CNBD1: variants seen among roughly 807,000 people sequenced by gnomAD.
The protein encoded by CNBD1 is cyclic nucleotide-binding domain-containing protein 1.
CNBD1 carries 71 observed loss-of-function variants against 54.4 expected under a neutral mutation model. That is an observed-to-expected ratio of 1.30 (90% CI 1.08 to 1.59). The LOEUF (loss-of-function observed/expected upper bound fraction) is 1.59, where lower values mean the gene tolerates loss of function less well. CNBD1 is among the 40% of genes most tolerant of loss of function. The pLI is 0.00. For synonymous variants in CNBD1, 182 were observed against 170.7 expected (o/e 1.07, Z -0.51); for missense variants, 659 against 518.0 (o/e 1.27, Z -2.64).
chr8:87,370,215 T>C (rs1305992620), intron 10 of CNBD1, among the ~76,000 whole-genome samples: 2 of 152,026 alleles, frequency 1.3e-5, no homozygotes, highest in African/African-American at 2.4e-5. Flanking sequence ...TATAGCAGCA[T>C]GATTTGTAGT....
At chr8:87,241,268 ATTT>A (rs34829455) in intron 6 of CNBD1, among the ~76,000 whole-genome samples, 2 of 93,860 alleles carry the variant, frequency 2.1e-5, no homozygotes, top group African/African-American at 4.9e-5. Flanking sequence ...TATTTGGAAG[ATTT>A]TTTTTTTTTT....
intron 8 of CNBD1, among the ~76,000 whole-genome samples, chr8:87,338,318 C>T (rs1037435828): frequency 1.3e-5 from 2 of 152,036 alleles, no homozygotes; most frequent in Non-Finnish European, 2.9e-5. Flanking sequence ...ATATCATTTT[C>T]CTTTTCTCTA....
At chr8:87,371,183 T>C (rs1005021522) in intron 10 of CNBD1, among the ~76,000 whole-genome samples, 18 of 151,950 alleles carry the variant, frequency 1.2e-4, no homozygotes, top group African/African-American at 4.4e-4. Flanking sequence ...TTTTGTTCTT[T>C]CGGCTTAGGA....
intron 3 of CNBD1, among the ~76,000 whole-genome samples, chr8:86,914,821 A>G (rs1809157744): frequency 1.3e-5 from 2 of 152,238 alleles, no homozygotes; most frequent in Admixed American, 6.5e-5. Context: ...GTTGATTAAT[A>G]TGAATTGAAT....
chr8:87,362,156 C>A (rs1810535773), intron 10 of CNBD1, among the ~76,000 whole-genome samples: 1 of 152,046 alleles, frequency 6.6e-6, no homozygotes, highest in African/African-American at 2.4e-5. Flanking sequence ...TTTTTCTGAT[C>A]TGCAAGGAAT....
chr8:86,909,578 C>T (rs1809070121), intron 3 of CNBD1, among the ~76,000 whole-genome samples: 1 of 151,934 alleles, frequency 6.6e-6, no homozygotes, highest in Non-Finnish European at 1.5e-5. Context: ...GCACAACGTG[C>T]AGGTTTGTTA....
intron 4 of CNBD1, among the ~76,000 whole-genome samples, chr8:87,011,346 A>G (rs1465924195): frequency 6.6e-6 from 1 of 152,086 alleles, no homozygotes; most frequent in Non-Finnish European, 1.5e-5. Context: ...TGAGGGGAAA[A>G]GTGGCAAAGA....
intron 5 of CNBD1, among the ~76,000 whole-genome samples, chr8:87,212,895 G>T (rs1814131221): frequency 6.6e-6 from 1 of 152,026 alleles, no homozygotes; most frequent in African/African-American, 2.4e-5. Context: ...TCAAAGAATA[G>T]AATCAATAAG....
chr8:87,064,545 T>C (rs556437370), intron 4 of CNBD1, among the ~76,000 whole-genome samples: 9 of 151,906 alleles, frequency 5.9e-5, no homozygotes, highest in Non-Finnish European at 1.3e-4. Flanking sequence ...ATTTAAAGGA[T>C]GTTATTGTTT....
At chr8:87,092,836 T>C (rs1811244635) in intron 4 of CNBD1, among the ~76,000 whole-genome samples, 1 of 152,156 alleles carries the variant, frequency 6.6e-6, no homozygotes, top group African/African-American at 2.4e-5. Context: ...ATTCTGAAAT[T>C]TGATGTCTCA....
At chr8:87,406,643 C>A (rs1199437991) in intron 2 of CNBD1, among the ~76,000 whole-genome samples, 1 of 151,974 alleles carries the variant, frequency 6.6e-6, no homozygotes, top group East Asian at 1.9e-4. Flanking sequence ...CCACGCCCAT[C>A]TAATTTTTGT....
intron 4 of CNBD1, among the ~76,000 whole-genome samples, chr8:87,037,053 C>T (rs577907113): frequency 1.5e-4 from 23 of 152,078 alleles, no homozygotes; most frequent in East Asian, 3.9e-4. Flanking sequence ...AAATTTTTTG[C>T]GACCTCGAAT....
chr8:87,068,773 A>G lies in CNBD1; in HGVS notation c.431+129019A>G, dbSNP rs560498219. On this transcript the variant is annotated intron_variant, in intron 4 of 10. Transcript: ENST00000518476. Reference sequence around the variant, plus strand: ...TATTTTCTCTTTCCTTTCTCAACCAAGTCACCTGCCCTCCATCATTCCTTT... The same window carrying G: ...TATTTTCTCTTTCCTTTCTCAACCAGGTCACCTGCCCTCCATCATTCCTTT... Among the ~76,000 whole-genome samples the G allele has an allele frequency of 2.0e-3, 311 of 152,132 alleles. 1 individual carries two copies. Among genetic ancestry groups the G allele is most frequent in the Non-Finnish European group, 3.1e-3 (212 of 67,908 alleles).
intron 8 of CNBD1, among the ~76,000 whole-genome samples, chr8:87,321,457 C>T (rs1213023981): frequency 2.6e-5 from 4 of 152,134 alleles, no homozygotes; most frequent in East Asian, 1.9e-4. Flanking sequence ...TGATACTGAA[C>T]ATCTTTTCTT....
intron 6 of CNBD1, among the ~76,000 whole-genome samples, chr8:87,252,807 G>C (rs1380715969): frequency 6.6e-6 from 1 of 152,084 alleles, no homozygotes; most frequent in African/African-American, 2.4e-5. Context: ...CTAAATTACA[G>C]GGACAGATGC....
chr8:86,912,717 A>C (rs141606311), intron 3 of CNBD1, among the ~76,000 whole-genome samples: 14 of 152,276 alleles, frequency 9.2e-5, no homozygotes, highest in Admixed American at 3.3e-4. Context: ...TTTAAAAAAA[A>C]GGTTAATTGT....
At chr8:87,005,247 G>C (rs559688891) in intron 4 of CNBD1, among the ~76,000 whole-genome samples, 9 of 152,078 alleles carry the variant, frequency 5.9e-5, no homozygotes, top group African/African-American at 2.2e-4. Flanking sequence ...GCGGGCGCCT[G>C]TAGTCCCAGC....
chr8:87,027,715 G>A (rs7001210), intron 4 of CNBD1, among the ~76,000 whole-genome samples: 4,608 of 152,238 alleles, frequency 0.03, 235 homozygotes, highest in African/African-American at 0.1. Context: ...CTAAATACAC[G>A]GGACTCCGTC....
At chr8:87,047,239 A>T (rs1456226682) in intron 4 of CNBD1, among the ~76,000 whole-genome samples, 3 of 152,150 alleles carry the variant, frequency 2.0e-5, no homozygotes, top group Non-Finnish European at 1.5e-5. Context: ...GATGTGTCTT[A>T]TCCCCAGGGG....
Sources: gnomAD v4.1 joint callset for allele counts (sites outside exome capture counted in the v4.1 genomes callset) on GRCh38, gnomAD v4.1.1 for gene constraint, MANE v1.5 for transcripts, NCBI Gene and HGNC (gene_info 2026-07-23, HGNC 2026-07-21) for gene names.